UNC13C: variants seen among roughly 807,000 people sequenced by gnomAD.
UNC13C encodes the protein unc-13 homolog C, also known as protein unc-13 homolog C.
UNC13C carries 174 observed loss-of-function variants against 245.4 expected under a neutral mutation model. The observed-to-expected ratio is 0.71, with a 90% CI of 0.63 to 0.80. The LOEUF (loss-of-function observed/expected upper bound fraction) is 0.80, where lower values mean the gene tolerates loss of function less well. UNC13C is among the 30% of genes least tolerant of loss of function. The probability of loss-of-function intolerance (pLI) is 0.00; values close to 1 mark genes in which losing one functional copy is unlikely to be tolerated. For missense variants in UNC13C, 2,829 were observed against 2,602.9 expected, an observed-to-expected ratio of 1.09 and a Z score of -1.89; for synonymous variants, 992 against 895.1, an observed-to-expected ratio of 1.11 and a Z score of -1.93.
intron 30 of UNC13C, among the ~76,000 whole-genome samples, chr15:54,619,375 T>C (rs1004233621): frequency 6.6e-6 from 1 of 152,192 alleles, no homozygotes; most frequent in African/African-American, 2.4e-5. Flanking sequence ...ACTCTAGCAT[T>C]ATCCCTTATC....
In UNC13C at chr15:54,338,406, G is replaced by A; in HGVS notation, c.4630G>A (p.Asp1544Asn). ...SPPKASMVVKDCVRACLDSTY... is the reference protein window; with the variant it reads ...SPPKASMVVKNCVRACLDSTY... ...CCCAAAAGCGAGCATGGTGGTGAAG[G>A]ACTGTGTAAGGGCTTGCCTGGATTC... The change falls in exon 17 of 33, where the codon GAC becomes AAC. Residue 1544 changes from aspartate (D) to asparagine (N), a missense_variant. Coordinates refer to ENST00000260323, the MANE Select transcript of UNC13C (RefSeq NM_001080534.3). The A allele has an allele frequency of 6.2e-7, 1 of 1,613,482 alleles. No individual in the cohort carries two copies. Among genetic ancestry groups the A allele is most frequent in the Non-Finnish European group, 8.5e-7 (1 of 1,179,536 alleles).
intron 2 of UNC13C, among the ~76,000 whole-genome samples, chr15:54,099,248 G>T (rs1021389849): frequency 2.0e-5 from 3 of 152,124 alleles, no homozygotes; most frequent in Non-Finnish European, 1.5e-5. Context: ...AGAGGCTATA[G>T]CATTTAAGTT....
At position 54,432,661 on chromosome 15, in the gene UNC13C, C is replaced by T. The variant is rs1008554512; in HGVS notation, c.4933+17594C>T. On this transcript the variant is annotated intron_variant, in intron 19 of 32. Coordinates refer to ENST00000260323, the MANE Select transcript of UNC13C (RefSeq NM_001080534.3). ...ATCAGAAAGTGGGAAAGATCAAAAT[C>T]GACACCCTAACATCACAATTAAAAG... 5.9e-5 allele frequency among the ~76,000 whole-genome samples: 9 copies of T among 151,670 alleles called. No individual in the cohort carries two copies. In the South Asian group the frequency reaches 1.2e-3, roughly 21 times the overall value.
chr15:54,505,518 C>T (rs1238300124), intron 22 of UNC13C, among the ~76,000 whole-genome samples: 3 of 152,026 alleles, frequency 2.0e-5, no homozygotes, highest in South Asian at 2.1e-4. Flanking sequence ...AACTACATTC[C>T]GAGAAACAAT....
intron 10 of UNC13C, among the ~76,000 whole-genome samples, chr15:54,280,214 A>G (rs1274893940): frequency 6.6e-6 from 1 of 152,146 alleles, no homozygotes; most frequent in Non-Finnish European, 1.5e-5. Flanking sequence ...TTAAATGTCT[A>G]TCTACTGTAT....
At chr15:54,235,978 T>C (rs115271989) in intron 5 of UNC13C, among the ~76,000 whole-genome samples, 2,720 of 151,508 alleles carry the variant, frequency 0.018, 81 homozygotes, top group African/African-American at 0.063. Context: ...GCAGCCACCT[T>C]GATAAATGCA....
chr15:53,853,917 G>A, the UNC13C span, among the ~76,000 whole-genome samples: 1 of 151,846 alleles, frequency 6.6e-6, no homozygotes, highest in East Asian at 1.9e-4. Context: ...TGGATAGATT[G>A]CAAAAATGTT....
At chr15:54,025,159 T>G (rs1050651214) in intron 2 of UNC13C, among the ~76,000 whole-genome samples, 1 of 152,184 alleles carries the variant, frequency 6.6e-6, no homozygotes, top group African/African-American at 2.4e-5. Flanking sequence ...AGTATGTCTC[T>G]CCCTCATCCC....
intron 2 of UNC13C, among the ~76,000 whole-genome samples, chr15:54,068,783 C>T (rs1233087258): frequency 6.6e-6 from 1 of 152,132 alleles, no homozygotes; most frequent in Non-Finnish European, 1.5e-5. Context: ...GAAAAGTGGA[C>T]TAGAAATTGT....
intron 17 of UNC13C, among the ~76,000 whole-genome samples, chr15:54,368,084 A>T (rs2039405535): frequency 6.6e-6 from 1 of 151,966 alleles, no homozygotes; most frequent in Admixed American, 6.6e-5. Context: ...TAAATTTTGC[A>T]CTCAAGGACA....
intron 30 of UNC13C, among the ~76,000 whole-genome samples, chr15:54,591,830 G>T (rs1345222688): frequency 6.6e-6 from 1 of 151,768 alleles, no homozygotes; most frequent in Non-Finnish European, 1.5e-5. Flanking sequence ...CCTTTCTTCT[G>T]CTGGGTTTGG....
chr15:54,351,178 C>T (rs905923231), intron 17 of UNC13C, among the ~76,000 whole-genome samples: 26 of 152,132 alleles, frequency 1.7e-4, no homozygotes, highest in Middle Eastern at 3.4e-3. Context: ...AATTGTTTGA[C>T]TCTAGTATTT....
At chr15:54,613,439 G>A (rs1900233526) in intron 30 of UNC13C, among the ~76,000 whole-genome samples, 1 of 151,816 alleles carries the variant, frequency 6.6e-6, no homozygotes, top group Non-Finnish European at 1.5e-5. Context: ...TAAAATAAGT[G>A]AATTACAATG....
chr15:54,014,819 A>T lies in UNC13C; in HGVS notation c.1916A>T (p.Asp639Val), dbSNP rs1381676802. The T allele has an allele frequency of 1.4e-5, 23 of 1,613,760 alleles. No individual in the cohort carries two copies. Among genetic ancestry groups the T allele is most frequent in the Non-Finnish European group, 1.9e-5 (23 of 1,179,850 alleles). ...AATGGCATGGTGTGTGCATCTGGAG[A>T]CCGGAGTCATTACAGTGATTCTCAG... The part of the protein sequence containing the change: ...MSNGMVCASG[D>V]RSHYSDSQLS... Residue 639 changes from aspartate to valine, a missense_variant, in exon 2 of 33, where the codon GAC becomes GTC. Coordinates refer to ENST00000260323, the MANE Select transcript of UNC13C (RefSeq NM_001080534.3).
chr15:54,512,545 C>G (rs1894798220), intron 24 of UNC13C, among the ~76,000 whole-genome samples: 1 of 152,146 alleles, frequency 6.6e-6, no homozygotes, highest in Non-Finnish European at 1.5e-5. Flanking sequence ...ACAGTCTTTT[C>G]TTTCATAAAC....
intron 17 of UNC13C, among the ~76,000 whole-genome samples, chr15:54,383,275 G>A (rs2039766286): frequency 6.6e-6 from 1 of 152,062 alleles, no homozygotes. Context: ...AAATATAGAT[G>A]CAAAAATCCT....
At chr15:54,587,778 A>G (rs1236403093) in intron 30 of UNC13C, among the ~76,000 whole-genome samples, 1 of 151,680 alleles carries the variant, frequency 6.6e-6, no homozygotes, top group African/African-American at 2.4e-5. Flanking sequence ...CTCTCTACAC[A>G]AACAGCAAAC....
the UNC13C span, among the ~76,000 whole-genome samples, chr15:53,847,269 A>G: frequency 2.0e-5 from 3 of 152,282 alleles, no homozygotes; most frequent in East Asian, 3.9e-4. Context: ...CAATTTGTAT[A>G]TCAAGAACAT....
At chr15:53,966,008 A>G in the UNC13C span, among the ~76,000 whole-genome samples, 1 of 152,088 alleles carries the variant, frequency 6.6e-6, no homozygotes. Flanking sequence ...GCTATTGTGA[A>G]TAATGCCACA....
Sources: allele counts gnomAD v4.1 joint callset (sites outside exome capture counted in the v4.1 genomes callset), GRCh38; gene constraint gnomAD v4.1.1; transcripts MANE v1.5; gene names NCBI Gene and HGNC (gene_info 2026-07-23, HGNC 2026-07-21).